Variants in KIF9 observed in about 807,000 individuals in gnomAD.
The protein encoded by KIF9 is kinesin-like protein KIF9.
A neutral mutation model predicts 94.8 loss-of-function variants in KIF9; 68 were observed. The ratio of observed to expected loss-of-function variants is 0.72; its 90% CI spans 0.59 to 0.88. The LOEUF is 0.88. Ranked by LOEUF, KIF9 falls within the 40% of genes least tolerant of loss-of-function variation. The pLI, the probability that KIF9 is intolerant of heterozygous loss-of-function variation, is 0.00. For missense variants in KIF9, 882 were observed against 982.5 expected, an observed-to-expected ratio of 0.90 and a Z score of 1.37; for synonymous variants, 343 against 362.1, an observed-to-expected ratio of 0.95 and a Z score of 0.60.
At chr3:47,266,945 T>G in intron 7 of KIF9, 31 bp downstream of exon 7, 1 of 1,515,402 alleles carries the variant, frequency 6.6e-7, no homozygotes, top group East Asian at 2.3e-5. Context: ...TGTGGTTTAT[T>G]GAGTAGCAAC....
At chr3:47,236,257 G>A in intron 18 of KIF9, 108 bp from the exon 19 acceptor site, 1 of 1,020,648 alleles carries the variant, frequency 9.8e-7, no homozygotes, top group South Asian at 1.4e-5. Flanking sequence ...CCTGCTCCAA[G>A]GTCTTACCCT....
chr3:47,258,173 A>T (rs1196707885), intron 9 of KIF9, among the ~76,000 whole-genome samples: 1 of 152,238 alleles, frequency 6.6e-6, no homozygotes, highest in African/African-American at 2.4e-5. Flanking sequence ...GGTAAAAATA[A>T]TTTTAATATG....
At position 47,271,298 on chromosome 3, in the gene KIF9, A is replaced by G. The variant is rs757833905; in HGVS notation, c.530T>C (p.Ile177Thr). 5 of 1,614,022 alleles carry G rather than the reference A, an allele frequency of 3.1e-6. No individual in the cohort carries two copies. In the East Asian group the frequency reaches 8.9e-5, roughly 29 times the overall value. Residue 177 changes from isoleucine to threonine, a missense_variant, in exon 5 of 21, where the codon ATT (isoleucine) becomes ACT (threonine). Ile to Thr is a moderately conservative substitution (Grantham distance 89). Coordinates refer to ENST00000684063, the MANE Select transcript of KIF9 (RefSeq NM_182902.4). ...TIVENPQGVF[I>T]KGLSVHLTSQ... is the part of the protein sequence containing the mutation. Reference sequence around the variant, plus strand: ...TGTGAGGTGAACTGACAAGCCCTTAATGAAGACTCCTTGAGGGTTTTCCAC... The same window carrying G: ...TGTGAGGTGAACTGACAAGCCCTTAGTGAAGACTCCTTGAGGGTTTTCCAC...
intron 9 of KIF9, among the ~76,000 whole-genome samples, chr3:47,258,694 G>A (rs900372469): frequency 6.6e-6 from 1 of 152,078 alleles, no homozygotes; most frequent in Non-Finnish European, 1.5e-5. Flanking sequence ...CATGTAAGAC[G>A]TCTTCTCCTG....
chr3:47,253,402 T>G (rs1435428703), intron 10 of KIF9, among the ~76,000 whole-genome samples: 1 of 152,108 alleles, frequency 6.6e-6, no homozygotes, highest in Non-Finnish European at 1.5e-5. Flanking sequence ...GTGACCCGCC[T>G]GCCTCAGCCT....
intron 5 of KIF9, among the ~76,000 whole-genome samples, chr3:47,269,768 ATTTTTTTTTT>A (rs36108313): frequency 1.6e-3 from 134 of 86,448 alleles, no homozygotes; most frequent in Non-Finnish European, 2.2e-3. Flanking sequence ...CTCCCAGCTA[ATTTTTTTTTT>A]TTTTTTTTTT....
chr3:47,267,181 T>A lies in KIF9; in HGVS notation c.674A>T (p.Glu225Val). ...RSHCIFTIYL[E>V]AHSRTLSEEK... is the part of the protein sequence containing the mutation. ...GCTGATCAAAGAGCTTGCACCTACCTCTAAGTAGATGGTGAAAATGCAGTG... is the reference window on the plus strand; with the variant it reads ...GCTGATCAAAGAGCTTGCACCTACCACTAAGTAGATGGTGAAAATGCAGTG... The change falls in exon 6 of 21, where the codon GAG becomes GTG. Residue 225 changes from glutamate (E) to valine (V), a missense_variant and splice_region_variant. Transcript: ENST00000684063. 1 of 1,612,364 alleles carries A rather than the reference T, an allele frequency of 6.2e-7. No individual in the cohort carries two copies. The highest frequency in any genetic ancestry group is 8.5e-7 in the Non-Finnish European group (1 of 1,178,448).
intron 17 of KIF9, among the ~76,000 whole-genome samples, chr3:47,238,038 G>A (rs1265595719): frequency 6.6e-6 from 1 of 152,136 alleles, no homozygotes; most frequent in Non-Finnish European, 1.5e-5. Context: ...ATTATCTCCA[G>A]GAAGAAAAAG....
At chr3:47,272,361 T>C (rs1372665922) in intron 4 of KIF9, among the ~76,000 whole-genome samples, 1 of 152,236 alleles carries the variant, frequency 6.6e-6, no homozygotes, top group Non-Finnish European at 1.5e-5. Flanking sequence ...ATGAACTGAA[T>C]TTTAAATTTT....
rs1483584088 is a variant in KIF9, at chr3:47,239,002, C to T, written c.1924+1799G>A. Among the ~76,000 whole-genome samples, 4 of 152,152 alleles carry T rather than the reference C, an allele frequency of 2.6e-5. No homozygotes were observed. The East Asian group carries it at 7.7e-4, about 29-fold the overall frequency. The stretch of plus-strand genomic sequence containing the variant: ...TCACCTGAGGTCGGGAGTTCAAGAC[C>T]AGCCTGACCAACATGGAGAAACCCC... On this transcript the variant is annotated intron_variant, in intron 17 of 20. Transcript: ENST00000684063.
intron 17 of KIF9, among the ~76,000 whole-genome samples, chr3:47,237,959 G>T (rs2107107555): frequency 6.6e-6 from 1 of 152,262 alleles, no homozygotes; most frequent in African/African-American, 2.4e-5. Flanking sequence ...ACAGAGTAGA[G>T]GCTTTACAGT....
At chr3:47,251,421 G>A (rs887205488) in intron 10 of KIF9, among the ~76,000 whole-genome samples, 2 of 152,126 alleles carry the variant, frequency 1.3e-5, no homozygotes, top group Non-Finnish European at 2.9e-5. Context: ...AAAAATAGCT[G>A]GGTGCGGTGG....
At chr3:47,280,857 TAA>T (rs1472771339) in intron 1 of KIF9, 3 of 700,484 alleles carry the variant, frequency 4.3e-6, no homozygotes, top group South Asian at 3.0e-5. Flanking sequence ...CCACCTGCAA[TAA>T]AGTCTTCCTT....
At chr3:47,281,045 T>A in intron 1 of KIF9, 1 of 703,046 alleles carries the variant, frequency 1.4e-6, no homozygotes, top group Non-Finnish European at 2.6e-6. Flanking sequence ...GCAAGGATTG[T>A]GCTTTTTATC....
chr3:47,267,648 G>C (rs903068598), intron 5 of KIF9, among the ~76,000 whole-genome samples: 1 of 152,168 alleles, frequency 6.6e-6, no homozygotes, highest in Non-Finnish European at 1.5e-5. Context: ...TAATAACAGA[G>C]AGAAATGTAG....
At chr3:47,262,113 C>G (rs938222570) in intron 9 of KIF9, among the ~76,000 whole-genome samples, 1 of 152,072 alleles carries the variant, frequency 6.6e-6, no homozygotes, top group Non-Finnish European at 1.5e-5. Flanking sequence ...CCGGAGACTG[C>G]GGGTACCAGG....
intron 10 of KIF9, among the ~76,000 whole-genome samples, chr3:47,252,812 A>C (rs1385852042): frequency 6.6e-6 from 1 of 152,008 alleles, no homozygotes; most frequent in Non-Finnish European, 1.5e-5. Flanking sequence ...CAGGAGTTTG[A>C]GACCAGCCTG....
In KIF9 at chr3:47,282,545, A is replaced by G. The variant is rs1168143579; in HGVS notation, c.-56T>C. On this transcript the variant is annotated 5_prime_UTR_variant, in exon 1 of 21. Coordinates refer to ENST00000684063, the MANE Select transcript of KIF9 (RefSeq NM_182902.4). ...GGACGCGACTGCCGCAACCGAAACC[A>G]CCTGCACTCCCCACGCGGGGCTGCC... The G allele has an allele frequency of 2.0e-6, 2 of 1,010,554 alleles. No individual in the cohort carries two copies. The highest frequency in any genetic ancestry group is 2.4e-6 in the Non-Finnish European group (2 of 844,342). The allele number at this position is 1,010,554 out of a possible 1,614,324, so 62.6% of individuals were successfully genotyped here.
Position 47,271,436 on chromosome 3 carries a change from G to C in KIF9, c.392C>G (p.Pro131Arg), listed in dbSNP as rs1026953165. 2 of 1,613,878 alleles carry C rather than the reference G, an allele frequency of 1.2e-6. No individual in the cohort carries two copies. Among genetic ancestry groups the C allele is most frequent in the African/African-American group, 1.3e-5 (1 of 74,868 alleles). ...AACACGCACAGTGATGGCATGTGTGGGGCGTTCTTCGATCATCCTAAAAAC... is the reference window on the plus strand; with the variant it reads ...AACACGCACAGTGATGGCATGTGTGCGGCGTTCTTCGATCATCCTAAAAAC... ...QQVFRMIEER[P>R]THAITVRVSY... Residue 131 changes from proline to arginine, a missense_variant, in exon 5 of 21, where the codon CCC (proline) becomes CGC (arginine). By Grantham distance (103) the Pro-to-Arg change is moderately radical (BLOSUM62 -2). Transcript: ENST00000684063.
Sources: gnomAD v4.1 joint callset for allele counts (sites outside exome capture counted in the v4.1 genomes callset) on GRCh38, gnomAD v4.1.1 for gene constraint, MANE v1.5 for transcripts, NCBI Gene and HGNC (gene_info 2026-07-23, HGNC 2026-07-21) for gene names.